Variants in RORA observed in about 807,000 individuals in gnomAD.
RORA encodes nuclear receptor ROR-alpha.
A neutral mutation model predicts 69.5 loss-of-function variants in RORA; 7 were observed. The observed-to-expected ratio is 0.10, with a 90% CI of 0.06 to 0.19. RORA has a LOEUF of 0.19. Among genes scored for constraint, RORA ranks in the 10% least tolerant of loss-of-function variants. RORA has a pLI of 1.00. For missense variants in RORA, 457 were observed against 663.0 expected, an observed-to-expected ratio of 0.69 and a Z score of 3.41; for synonymous variants, 261 against 240.8, an observed-to-expected ratio of 1.08 and a Z score of -0.78.
intron 1 of RORA, among the ~76,000 whole-genome samples, chr15:60,768,038 A>G (rs1181219845): frequency 4.1e-4 from 63 of 152,332 alleles, no homozygotes; most frequent in Non-Finnish European, 1.8e-4. Context: ...TCCTGGCTGA[A>G]TCACACACTT....
chr15:60,960,890 G>A (rs539318146), intron 1 of RORA, among the ~76,000 whole-genome samples: 63 of 152,166 alleles, frequency 4.1e-4, no homozygotes, highest in African/African-American at 1.3e-3. Flanking sequence ...CCAAGAGACC[G>A]ACACCATTGT....
rs1288480919 is a variant in RORA at position 60,511,422 on chromosome 15, G to T, written c.624C>A (p.Thr208=). 2 of 1,614,028 alleles carry T rather than the reference G, an allele frequency of 1.2e-6. No homozygotes were observed. Among genetic ancestry groups the T allele is most frequent in the African/African-American group, 1.3e-5 (1 of 74,888 alleles). ...CGGAGTCTGCCTTACTCCCCTCAGGGGTGTGCCCGTCAATGTAGTTACTGA... is the reference window on the plus strand; with the variant it reads ...CGGAGTCTGCCTTACTCCCCTCAGGTGTGTGCCCGTCAATGTAGTTACTGA... ...DDLSNYIDGH[T]PEGSKADSAV... The change falls in exon 5 of 11, where the codon ACC becomes ACA. Residue 208 remains threonine (T), a synonymous_variant. Coordinates refer to ENST00000335670, the MANE Select transcript of RORA (RefSeq NM_134261.3). This position sits in a 1 kb window ranked among gnomAD's most constrained non-coding sequence, Gnocchi z 6.4.
rs1280063788 is a variant in RORA, at chr15:61,063,661, TG to T, written c.166+165391del. ...AGGCTCAGTCTCTTCATCTTTGAAA[TG>T]GAGATATCTGCCTGCTGAGGAGATT... On this transcript the variant is annotated intron_variant, in intron 1 of 10. Coordinates refer to ENST00000335670, the MANE Select transcript of RORA (RefSeq NM_134261.3). Among the ~76,000 whole-genome samples the T allele has an allele frequency of 2.0e-5, 3 of 152,288 alleles. No individual in the cohort carries two copies. In the East Asian group the frequency reaches 5.8e-4, roughly 29 times the overall value.
rs575665016 is a variant in RORA, at chr15:60,695,637, C to A, written c.167-16951G>T. Among the ~76,000 whole-genome samples the A allele has an allele frequency of 2.0e-5, 3 of 152,212 alleles. No individual in the cohort carries two copies. The South Asian group carries it at 6.2e-4, about 32-fold the overall frequency. ...AAGAAAACAAGTCATCACCCTGATG[C>A]CAATACGGACGAAGGTCAGACAGCT... On this transcript the variant is annotated intron_variant, in intron 1 of 10. Transcript: ENST00000335670.
chr15:60,947,816 G>T (rs1171118184), intron 1 of RORA, among the ~76,000 whole-genome samples: 1 of 151,988 alleles, frequency 6.6e-6, no homozygotes, highest in African/African-American at 2.4e-5. Flanking sequence ...GTGGGAGATG[G>T]TACCTAAACA....
intron 1 of RORA, among the ~76,000 whole-genome samples, chr15:61,031,154 C>G (rs957704337): frequency 5.9e-5 from 9 of 152,080 alleles, no homozygotes; most frequent in Non-Finnish European, 1.2e-4. Flanking sequence ...ATAAAAATAT[C>G]AAATCCAAAA....
intron 1 of RORA, among the ~76,000 whole-genome samples, chr15:61,108,445 T>C (rs1698979632): frequency 6.6e-6 from 1 of 152,222 alleles, no homozygotes; most frequent in Non-Finnish European, 1.5e-5. Context: ...AATGCCTGTT[T>C]ATATAAATAA....
chr15:61,159,085 T>C (rs2079471524), intron 1 of RORA, among the ~76,000 whole-genome samples: 1 of 152,132 alleles, frequency 6.6e-6, no homozygotes, highest in South Asian at 2.1e-4. Flanking sequence ...TAGATAGACA[T>C]AACTAGACAA....
chr15:61,090,677 G>A (rs2078692236), intron 1 of RORA, among the ~76,000 whole-genome samples: 2 of 152,320 alleles, frequency 1.3e-5, no homozygotes, highest in South Asian at 2.1e-4. Context: ...CATCTATACT[G>A]AAATGATTAT....
intron 1 of RORA, among the ~76,000 whole-genome samples, chr15:60,763,023 G>A (rs532123017): frequency 1.4e-5 from 2 of 141,142 alleles, no homozygotes; most frequent in South Asian, 2.3e-4. Flanking sequence ...AGGGAAAAAG[G>A]CATTTAATTA....
chr15:60,956,000 G>A (rs1013211618), intron 1 of RORA, among the ~76,000 whole-genome samples: 12 of 152,122 alleles, frequency 7.9e-5, no homozygotes, highest in Non-Finnish European at 1.5e-4. Context: ...CATTGTAATC[G>A]CTGGCACAAT....
intron 1 of RORA, among the ~76,000 whole-genome samples, chr15:61,139,208 T>C (rs2079274414): frequency 6.6e-6 from 1 of 151,854 alleles, no homozygotes; most frequent in African/African-American, 2.4e-5. Context: ...TTAATGCTAA[T>C]ATGCACTGAG....
intron 1 of RORA, among the ~76,000 whole-genome samples, chr15:60,772,236 G>A (rs550678839): frequency 6.6e-6 from 1 of 151,832 alleles, no homozygotes; most frequent in Non-Finnish European, 1.5e-5. Flanking sequence ...AGGCCGCGGT[G>A]TGTGATGTTC....
At chr15:61,027,562 A>G (rs1282615484) in intron 1 of RORA, among the ~76,000 whole-genome samples, 3 of 152,188 alleles carry the variant, frequency 2.0e-5, no homozygotes, top group African/African-American at 7.2e-5. Flanking sequence ...AACATGCTCA[A>G]CTAATAAATG....
intron 1 of RORA, among the ~76,000 whole-genome samples, chr15:60,842,918 G>A (rs1045167451): frequency 6.6e-6 from 1 of 152,202 alleles, no homozygotes; most frequent in Non-Finnish European, 1.5e-5. Context: ...GAGTGAGAGT[G>A]GGTGGTGGAA....
rs977931490 is a variant in RORA, at chr15:60,491,621, C to G, written c.*5834G>C. ...TTTGGTTGAACATGGAGATCCCCCCCGCCCATCTAGGATGGCTACTTGGTG... is the reference window on the plus strand; with the variant it reads ...TTTGGTTGAACATGGAGATCCCCCCGGCCCATCTAGGATGGCTACTTGGTG... On this transcript the variant is annotated 3_prime_UTR_variant, in exon 11 of 11. Transcript: ENST00000335670. 1 of 151,090 alleles carries G rather than the reference C, an allele frequency of 6.6e-6. No homozygotes were observed. Among genetic ancestry groups the G allele is most frequent in the Non-Finnish European group, 1.5e-5 (1 of 67,834 alleles). The allele number at this position is 151,090 out of a possible 1,614,324, so 9.4% of individuals were successfully genotyped here.
At chr15:60,604,974 T>C (rs2068912064) in intron 2 of RORA, among the ~76,000 whole-genome samples, 1 of 152,222 alleles carries the variant, frequency 6.6e-6, no homozygotes, top group Non-Finnish European at 1.5e-5. Context: ...TATAACTGTA[T>C]GAGCAATATA....
intron 1 of RORA, among the ~76,000 whole-genome samples, chr15:60,699,181 T>G (rs1054018193): frequency 1.3e-5 from 2 of 152,168 alleles, no homozygotes; most frequent in African/African-American, 4.8e-5. Context: ...CTTTAAAATA[T>G]CCAATCTAGT....
At chr15:60,618,621 A>C (rs1186696850) in intron 2 of RORA, among the ~76,000 whole-genome samples, 1 of 152,240 alleles carries the variant, frequency 6.6e-6, no homozygotes, top group Non-Finnish European at 1.5e-5. Context: ...AAGAGGCAGG[A>C]TACATAGGTA....
Sources: gnomAD v4.1 joint callset for allele counts (sites outside exome capture counted in the v4.1 genomes callset) on GRCh38, gnomAD v4.1.1 for gene constraint, Gnocchi (gnomAD v3.1) non-coding constraint, MANE v1.5 for transcripts, NCBI Gene and HGNC (gene_info 2026-07-23, HGNC 2026-07-21) for gene names.